Variants in ARPP19 observed in about 807,000 individuals in gnomAD.
ARPP19 encodes cAMP-regulated phosphoprotein 19.
ARPP19 carries 8 observed loss-of-function variants against 12.0 expected under a neutral mutation model. The observed-to-expected ratio is 0.67, with a 90% CI of 0.39 to 1.21. ARPP19 has a LOEUF of 1.21. Ranked by LOEUF, ARPP19 falls within the 50% of genes most tolerant of loss-of-function variation. The pLI, the probability that ARPP19 is intolerant of heterozygous loss-of-function variation, is 0.01. For missense variants in ARPP19, 102 were observed against 136.3 expected (o/e 0.75, Z 1.25); for synonymous variants, 47 against 50.4 (o/e 0.93, Z 0.29).
In ARPP19 at chr15:52,547,376, C is replaced by T. The variant is rs527428399; in HGVS notation, c.*4558G>A. On this transcript the variant is annotated 3_prime_UTR_variant, in exon 3 of 3. Coordinates refer to ENST00000249822, the MANE Select transcript of ARPP19 (RefSeq NM_006628.6). Reference sequence around the variant, plus strand: ...AACAAAACAAAACAAAAAAACAAAACAAGGCATTTACTCTTGGCCCTTTCA... The same window carrying T: ...AACAAAACAAAACAAAAAAACAAAATAAGGCATTTACTCTTGGCCCTTTCA... The T allele has an allele frequency of 1.1e-4, 16 of 152,234 alleles. No individual in the cohort carries two copies. Among genetic ancestry groups the T allele is most frequent in the African/African-American group, 3.9e-4 (16 of 41,552 alleles). 9.4% of individuals were successfully genotyped at this position (152,234 alleles called of 1,614,324 possible). A position where few individuals can be genotyped will look rare whatever the true frequency, so the allele number is the denominator to read the frequency against.
intron 2 of ARPP19, among the ~76,000 whole-genome samples, chr15:52,554,848 T>A (rs934195965): frequency 7.2e-5 from 11 of 152,148 alleles, no homozygotes. Flanking sequence ...GTGTACACAG[T>A]CATATTGTTA....
chr15:52,562,272 AACTG>A (rs1406017508), intron 1 of ARPP19, among the ~76,000 whole-genome samples: 3 of 152,154 alleles, frequency 2.0e-5, no homozygotes, highest in Admixed American at 6.5e-5. Flanking sequence ...CAAATGGAAA[AACTG>A]ACTAATACTA....
chr15:52,568,604 G>A (rs947729866), intron 1 of ARPP19: 10 of 453,970 alleles, frequency 2.2e-5, no homozygotes, highest in Middle Eastern at 5.5e-4. Flanking sequence ...AGTGACTGAG[G>A]AACACCGCGA....
intron 1 of ARPP19, among the ~76,000 whole-genome samples, chr15:52,561,701 C>T (rs1431338756): frequency 6.7e-6 from 1 of 150,356 alleles, no homozygotes; most frequent in Non-Finnish European, 1.5e-5. Flanking sequence ...TAAGGAGAAA[C>T]AAATCCCAAT....
At chr15:52,564,083 A>G in intron 1 of ARPP19, 1 of 707,856 alleles carries the variant, frequency 1.4e-6, no homozygotes, top group Non-Finnish European at 2.4e-6. Flanking sequence ...ATTAGAAGTT[A>G]AGTATTCAAG....
chr15:52,561,955 TTA>T (rs1555393480), intron 1 of ARPP19, among the ~76,000 whole-genome samples: 3 of 146,934 alleles, frequency 2.0e-5, no homozygotes, highest in East Asian at 2.0e-4. Context: ...TTTTTTTTTT[TTA>T]TTAAGATACA....
Position 52,547,712 on chromosome 15 carries a change from TG to T in ARPP19, c.*4221del, listed in dbSNP as rs1246837006. 1 of 152,270 alleles carries T rather than the reference TG, an allele frequency of 6.6e-6. No homozygotes were observed. The highest frequency in any genetic ancestry group is 1.5e-5 in the Non-Finnish European group (1 of 68,032). 9.4% of individuals were successfully genotyped at this position (152,270 alleles called of 1,614,324 possible). On this transcript the variant is annotated 3_prime_UTR_variant, in exon 3 of 3. Coordinates refer to ENST00000249822, the MANE Select transcript of ARPP19 (RefSeq NM_006628.6). ...TGGGGAATTGAGAGGAGACAGATAT[TG>T]GGGAAGACTGGCAGTGTGTGCTGAG...
In ARPP19 at chr15:52,563,483, T is replaced by C. The variant is rs1316439605; in HGVS notation, c.45+5365A>G. On this transcript the variant is annotated intron_variant, in intron 1 of 2. Coordinates refer to ENST00000249822, the MANE Select transcript of ARPP19 (RefSeq NM_006628.6). The stretch of plus-strand genomic sequence containing the variant: ...TTAAGAACAGTATTTTTAATAATAG[T>C]TATTGTCTCGGCATGTGCATTTTTG... Among the ~76,000 whole-genome samples the C allele has an allele frequency of 2.6e-5, 4 of 152,300 alleles. No individual in the cohort carries two copies. The East Asian group carries it at 7.7e-4, about 29-fold the overall frequency.
rs1424777412 is a variant in ARPP19 at position 52,547,755 on chromosome 15, G to T, written c.*4179C>A. 1.3e-5 allele frequency: 2 copies of T among 152,190 alleles called. No homozygotes were observed. Among genetic ancestry groups the T allele is most frequent in the African/African-American group, 4.8e-5 (2 of 41,414 alleles). The allele number at this position is 152,190 out of a possible 1,614,324, so 9.4% of individuals were successfully genotyped here. The stretch of plus-strand genomic sequence containing the variant: ...TGTGCTGAGTTAGAGTTGGGAATGT[G>T]GCTCAAATTAGTCAATATTGATTAG... On this transcript the variant is annotated 3_prime_UTR_variant, in exon 3 of 3. Coordinates refer to ENST00000249822, the MANE Select transcript of ARPP19 (RefSeq NM_006628.6).
chr15:52,568,780 G>T (rs2078111267), intron 1 of ARPP19, 68 bp downstream of exon 1: 4 of 1,217,756 alleles, frequency 3.3e-6, no homozygotes, highest in Non-Finnish European at 4.5e-6. Context: ...CCCTCCGCCT[G>T]GCGGGAGCAG....
Position 52,550,720 on chromosome 15 carries a change from CAACA to C in ARPP19, c.*1210_*1213del, listed in dbSNP as rs2077922346. ...ATATAGACACCTATGCTTCCATATACAACAAACAGCTCAATACCATTTGAGTCAA... is the reference window on the plus strand; with the variant it reads ...ATATAGACACCTATGCTTCCATATACAACAGCTCAATACCATTTGAGTCAA... On this transcript the variant is annotated 3_prime_UTR_variant, in exon 3 of 3. Coordinates refer to ENST00000249822, the MANE Select transcript of ARPP19 (RefSeq NM_006628.6). 1 of 152,276 alleles carries C rather than the reference CAACA, an allele frequency of 6.6e-6. No individual in the cohort carries two copies. The highest frequency in any genetic ancestry group is 2.4e-5 in the African/African-American group (1 of 41,364). 9.4% of individuals were successfully genotyped at this position (152,276 alleles called of 1,614,324 possible). A position where few individuals can be genotyped will look rare whatever the true frequency, so the allele number is the denominator to read the frequency against.
intron 1 of ARPP19, among the ~76,000 whole-genome samples, chr15:52,561,305 A>G (rs943066408): frequency 3.9e-5 from 6 of 152,236 alleles, no homozygotes; most frequent in African/African-American, 1.4e-4. Flanking sequence ...GAAAGATTAA[A>G]TCATAAACTA....
Position 52,552,079 on chromosome 15 carries a change from T to C in ARPP19, c.194A>G (p.Tyr65Cys), listed in dbSNP as rs1483562953. Residue 65 changes from tyrosine to cysteine, a missense_variant, in exon 3 of 3, where the codon TAC becomes TGC. Physicochemically the swap from Tyr to Cys is radical, Grantham distance 194. Transcript: ENST00000249822. The part of the protein sequence containing the change: ...KGQKYFDSGD[Y>C]NMAKAKMKNK... ...CTTCATTTTTGCTTTAGCCATGTTG[T>C]AATCCCCAGAATCAAAATATTTTTG... The C allele has an allele frequency of 6.2e-7, 1 of 1,613,164 alleles. No homozygotes were observed. Among genetic ancestry groups the C allele is most frequent in the Non-Finnish European group, 8.5e-7 (1 of 1,179,128 alleles).
intron 1 of ARPP19, among the ~76,000 whole-genome samples, chr15:52,562,416 T>C (rs2078042301): frequency 6.6e-6 from 1 of 152,106 alleles, no homozygotes; most frequent in Non-Finnish European, 1.5e-5. Flanking sequence ...TCTAAATAAT[T>C]CCTGGTTAAA....
chr15:52,557,249 C>G (rs1311472932), intron 1 of ARPP19, 27 bp from the exon 2 acceptor site: 1 of 1,533,028 alleles, frequency 6.5e-7, no homozygotes, highest in Non-Finnish European at 8.9e-7. Flanking sequence ...TAAATTACTT[C>G]TCTATTACAA....
intron 2 of ARPP19, among the ~76,000 whole-genome samples, chr15:52,553,969 T>C (rs1472357523): frequency 3.3e-5 from 5 of 152,258 alleles, no homozygotes; most frequent in Non-Finnish European, 7.3e-5. Flanking sequence ...AACAGGCCCA[T>C]CTAAAGCTTT....
At chr15:52,557,019 GCA>G in intron 2 of ARPP19, 79 bp downstream of exon 2, 18 of 1,424,698 alleles carry the variant, frequency 1.3e-5, no homozygotes, top group Middle Eastern at 2.5e-4. Flanking sequence ...AATGCTATAC[GCA>G]CAGATATCCG....
chr15:52,558,762 A>T (rs1595864475), intron 1 of ARPP19, among the ~76,000 whole-genome samples: 3 of 150,254 alleles, frequency 2.0e-5, no homozygotes, highest in Non-Finnish European at 4.4e-5. Context: ...CATATATTTC[A>T]CTCAAAATTA....
At chr15:52,566,939 G>T (rs1278062605) in intron 1 of ARPP19, among the ~76,000 whole-genome samples, 1 of 151,042 alleles carries the variant, frequency 6.6e-6, no homozygotes, top group East Asian at 1.9e-4. Flanking sequence ...TTCTTTAGCG[G>T]CAACAGGCAA....
Sources: gnomAD v4.1 joint callset for allele counts (sites outside exome capture counted in the v4.1 genomes callset) on GRCh38, gnomAD v4.1.1 for gene constraint, MANE v1.5 for transcripts, NCBI Gene and HGNC (gene_info 2026-07-23, HGNC 2026-07-21) for gene names.